Variants in SMC4 observed in about 807,000 individuals in gnomAD.
SMC4 encodes the protein structural maintenance of chromosomes 4, also known as structural maintenance of chromosomes protein 4.
A neutral mutation model predicts 145.6 loss-of-function variants in SMC4; 87 were observed. That is an observed-to-expected ratio of 0.60 (90% CI 0.50 to 0.71). SMC4 has a LOEUF of 0.71. Among genes scored for constraint, SMC4 ranks in the 30% least tolerant of loss-of-function variants. The pLI, the probability that SMC4 is intolerant of heterozygous loss-of-function variation, is 0.00. For missense variants in SMC4, 1,447 were observed against 1,537.1 expected (o/e 0.94, Z 0.98); for synonymous variants, 558 against 500.7 (o/e 1.11, Z -1.53).
chr3:160,423,408 T>C lies in SMC4; in HGVS notation c.2020-17T>C. 6.8e-7 allele frequency: 1 copy of C among 1,464,528 alleles called. No homozygotes were observed. Among genetic ancestry groups the C allele is most frequent in the East Asian group, 2.3e-5 (1 of 43,094 alleles). 90.7% of individuals were successfully genotyped at this position (1,464,528 alleles called of 1,614,324 possible). ...TTGTTAACTGTTGTTTTTGTTTGTTTGTTTGTTTACTTTTAGATGGCTGTA... is the reference window on the plus strand; with the variant it reads ...TTGTTAACTGTTGTTTTTGTTTGTTCGTTTGTTTACTTTTAGATGGCTGTA... On this transcript the variant is annotated splice_polypyrimidine_tract_variant and intron_variant, in intron 13 of 23. Coordinates refer to ENST00000357388, the MANE Select transcript of SMC4 (RefSeq NM_001002800.3).
Position 160,413,348 on chromosome 3 carries a change from A to G in SMC4, c.981-125A>G. On this transcript the variant is annotated intron_variant, in intron 7 of 23. Coordinates refer to ENST00000357388, the MANE Select transcript of SMC4 (RefSeq NM_001002800.3). ...CAGGGGGATTTTCCCCTCATAGCCT[A>G]GGCAGTCATATATTGACTAGTTAAT... is the stretch of plus-strand genomic sequence containing the variant. 4 of 896,916 alleles carry G rather than the reference A, an allele frequency of 4.5e-6. No homozygotes were observed. In the South Asian group the frequency reaches 6.7e-5, roughly 15 times the overall value. 55.6% of individuals were successfully genotyped at this position (896,916 alleles called of 1,614,324 possible). A position where few individuals can be genotyped will look rare whatever the true frequency, so the allele number is the denominator to read the frequency against.
intron 11 of SMC4, 90 bp from the exon 12 acceptor site, chr3:160,419,268 T>C: frequency 1.2e-6 from 1 of 805,866 alleles, no homozygotes; most frequent in East Asian, 2.9e-5. Flanking sequence ...CTTTCTTTAT[T>C]GTTATTAAAG....
At chr3:160,432,904 T>C in intron 22 of SMC4, 122 bp from the exon 23 acceptor site, 2 of 674,490 alleles carry the variant, frequency 3.0e-6, no homozygotes, top group South Asian at 2.0e-5. Context: ...GAATTCATAT[T>C]TGTGAAAAGC....
chr3:160,426,299 A>G, intron 17 of SMC4, 99 bp downstream of exon 17: 2 of 864,442 alleles, frequency 2.3e-6, no homozygotes, highest in South Asian at 3.1e-5. Flanking sequence ...GAAGCTAAGT[A>G]TATGCAAGTC....
intron 13 of SMC4, among the ~76,000 whole-genome samples, chr3:160,421,119 A>G (rs1489982819): frequency 4.0e-5 from 6 of 151,842 alleles, no homozygotes; most frequent in Admixed American, 1.3e-4. Context: ...TTCAGTAGAG[A>G]GGGGTTTCAC....
chr3:160,424,984 A>C lies in SMC4; in HGVS notation c.2443A>C (p.Arg815=). 1 of 1,612,830 alleles carries C rather than the reference A, an allele frequency of 6.2e-7. No homozygotes were observed. Among genetic ancestry groups the C allele is most frequent in the South Asian group, 1.1e-5 (1 of 91,050 alleles). The change falls in exon 16 of 24, where the codon AGG becomes CGG. Residue 815 remains arginine, a synonymous_variant. Transcript: ENST00000357388. The part of the protein sequence containing the change: ...VKLRHSEREM[R]NTLEKFTASI... ...GTTACGGCATAGTGAACGAGAAATG[A>C]GGAACACACTAGAAAAATTTACTGC...
chr3:160,414,537 T>G lies in SMC4; in HGVS notation c.1272+20T>G, dbSNP rs780172732. 3 of 1,602,388 alleles carry G rather than the reference T, an allele frequency of 1.9e-6. No individual in the cohort carries two copies. The highest frequency in any genetic ancestry group is 2.2e-5 in the East Asian group (1 of 44,610). On this transcript the variant is annotated intron_variant, in intron 9 of 23. Coordinates refer to ENST00000357388, the MANE Select transcript of SMC4 (RefSeq NM_001002800.3). Reference sequence around the variant, plus strand: ...GAAAAGGTAGGTGTTAGAAAAAAATTCTTAAAATTTCACGTCTGAATATCA... The same window carrying G: ...GAAAAGGTAGGTGTTAGAAAAAAATGCTTAAAATTTCACGTCTGAATATCA...
intron 13 of SMC4, among the ~76,000 whole-genome samples, chr3:160,421,930 TTC>T (rs1177878027): frequency 2.6e-5 from 4 of 152,214 alleles, no homozygotes; most frequent in Non-Finnish European, 5.9e-5. Flanking sequence ...ACTTTTTTGT[TTC>T]TGTAGATTTA....
At chr3:160,404,057 T>C (rs1281604493) in intron 4 of SMC4, 1 of 347,820 alleles carries the variant, frequency 2.9e-6, no homozygotes, top group African/African-American at 2.2e-5. Context: ...TAAACGTTTT[T>C]AGGCTTGTTT....
In SMC4 at chr3:160,431,669, AGAAGATAATCCTATT is replaced by A; in HGVS notation, c.3147_3161del (p.Asp1049_Glu1053del). The stretch of plus-strand genomic sequence containing the variant: ...TTTCAAAAATATCACTGCATCCTAT[AGAAGATAATCCTATT>A]GAAGAGATTTCGGTTCTAAGCCCAG... On this transcript the variant is annotated inframe_deletion, in exon 21 of 24. Transcript: ENST00000357388. The A allele has an allele frequency of 3.1e-6, 5 of 1,602,884 alleles. No homozygotes were observed. The highest frequency in any genetic ancestry group is 4.2e-6 in the Non-Finnish European group (5 of 1,177,538).
intron 1 of SMC4, chr3:160,400,618 A>G (rs1714468717): frequency 1.8e-6 from 1 of 547,422 alleles, no homozygotes; most frequent in African/African-American, 2.0e-5. Flanking sequence ...AGATTTTCCC[A>G]CTTACATAGG....
Position 160,432,811 on chromosome 3 carries a change from C to T in SMC4, c.3531-215C>T, listed in dbSNP as rs1206605312. 1.7e-5 allele frequency: 9 copies of T among 542,192 alleles called. No individual in the cohort carries two copies. The African/African-American group carries it at 1.7e-4, about 10-fold the overall frequency. The allele number at this position is 542,192 out of a possible 1,614,324, so 33.6% of individuals were successfully genotyped here. On this transcript the variant is annotated intron_variant, in intron 22 of 23. Transcript: ENST00000357388. ...GAATAGCAAGAAGTATAATACTTAG[C>T]TTGCTCTTTAAATCTTAAAACTTTG...
At position 160,424,953 on chromosome 3, in the gene SMC4, AGTT is replaced by A; in HGVS notation, c.2413_2415del (p.Val805del). The stretch of plus-strand genomic sequence containing the variant: ...AGAAAGTACAACTTGAAGAAAGAGT[AGTT>A]AAGTTACGGCATAGTGAACGAGAAA... On this transcript the variant is annotated inframe_deletion, in exon 16 of 24. Coordinates refer to ENST00000357388, the MANE Select transcript of SMC4 (RefSeq NM_001002800.3). The A allele has an allele frequency of 6.2e-7, 1 of 1,614,046 alleles. No individual in the cohort carries two copies. Among genetic ancestry groups the A allele is most frequent in the Non-Finnish European group, 8.5e-7 (1 of 1,180,000 alleles).
rs1715793524 is a variant in SMC4 at position 160,409,921 on chromosome 3, T to A, written c.688-1999T>A. Among the ~76,000 whole-genome samples the A allele has an allele frequency of 1.3e-5, 2 of 151,990 alleles. 1 individual carries two copies. The highest frequency in any genetic ancestry group is 4.1e-4 in the South Asian group (2 of 4,822). ...CATGTGTACAAAAAAAATTTTTTTTTAAAGATTAGCTGGGTGTGGTGGTGT... is the reference window on the plus strand; with the variant it reads ...CATGTGTACAAAAAAAATTTTTTTTAAAAGATTAGCTGGGTGTGGTGGTGT... On this transcript the variant is annotated intron_variant, in intron 5 of 23. Coordinates refer to ENST00000357388, the MANE Select transcript of SMC4 (RefSeq NM_001002800.3).
intron 19 of SMC4, 102 bp from the exon 20 acceptor site, chr3:160,430,929 TG>T (rs1264505860): frequency 7.7e-7 from 1 of 1,294,876 alleles, no homozygotes; most frequent in Non-Finnish European, 1.1e-6. Context: ...TATTTTAAAA[TG>T]GAAGGGGCAT....
At position 160,432,491 on chromosome 3, in the gene SMC4, C is replaced by T; in HGVS notation, c.3506C>T (p.Pro1169Leu). Residue 1169 changes from proline (P) to leucine (L), a missense_variant, in exon 22 of 24, where the codon CCT (proline) becomes CTT (leucine). By Grantham distance (98) the Pro-to-Leu change is moderately conservative. Coordinates refer to ENST00000357388, the MANE Select transcript of SMC4 (RefSeq NM_001002800.3). ...AELELVDSLD[P>L]FSEGIMFSVR... is the part of the protein sequence containing the mutation. ...CTCGAGCTTGTAGACAGCTTGGATC[C>T]TTTCTCTGAAGGAATCATGTTCAGG... 2 of 1,605,300 alleles carry T rather than the reference C, an allele frequency of 1.2e-6. No individual in the cohort carries two copies. Among genetic ancestry groups the T allele is most frequent in the Non-Finnish European group, 1.7e-6 (2 of 1,176,148 alleles).
At chr3:160,401,452 G>A (rs1181170732) in intron 2 of SMC4, among the ~76,000 whole-genome samples, 1 of 152,130 alleles carries the variant, frequency 6.6e-6, no homozygotes, top group Non-Finnish European at 1.5e-5. Context: ...CAGGAGTTGG[G>A]TGACATTATT....
chr3:160,414,170 A>G, intron 8 of SMC4, 197 bp from the exon 9 acceptor site: 1 of 592,860 alleles, frequency 1.7e-6, no homozygotes. Context: ...AGAAAGGCAA[A>G]ATAGCTGTCA....
chr3:160,419,881 G>A (rs1716985977), intron 12 of SMC4, among the ~76,000 whole-genome samples: 2 of 152,088 alleles, frequency 1.3e-5, no homozygotes, highest in South Asian at 4.1e-4. Flanking sequence ...GAGGCAGAAG[G>A]ATCACTTGAG....
Sources: allele counts gnomAD v4.1 joint callset (sites outside exome capture counted in the v4.1 genomes callset), GRCh38; gene constraint gnomAD v4.1.1; transcripts MANE v1.5; gene names NCBI Gene and HGNC (gene_info 2026-07-23, HGNC 2026-07-21).